SLC25A26: variants seen among roughly 807,000 people sequenced by gnomAD.
SLC25A26 encodes the protein mitochondrial S-adenosylmethionine carrier protein.
Under a neutral mutation model 37.8 loss-of-function variants are expected in SLC25A26, and 36 were observed. That is an observed-to-expected ratio of 0.95 (90% CI 0.73 to 1.26). SLC25A26 has a LOEUF of 1.26. SLC25A26 is among the 50% of genes most tolerant of loss of function. SLC25A26 has a pLI of 0.00. For synonymous variants in SLC25A26, 129 were observed against 122.5 expected, an observed-to-expected ratio of 1.05 and a Z score of -0.35; for missense variants, 390 against 331.1, an observed-to-expected ratio of 1.18 and a Z score of -1.38.
At chr3:66,219,679 T>C (rs2071416929), upstream of SLC25A26, among the ~76,000 whole-genome samples, 1 of 152,142 alleles carries the variant, frequency 6.6e-6, no homozygotes, top group Non-Finnish European at 1.5e-5. Context: ...AGACACCAGC[T>C]GAGAGGTGTA....
chr3:66,205,785 C>G (rs1576636868), intron 1 of SLC25A26, among the ~76,000 whole-genome samples: 1 of 152,166 alleles, frequency 6.6e-6, no homozygotes, highest in Non-Finnish European at 1.5e-5. Context: ...AACATTCAAG[C>G]TTACATCCAA....
At chr3:66,155,021 T>C (rs978443131) in intron 1 of SLC25A26, among the ~76,000 whole-genome samples, 1 of 152,222 alleles carries the variant, frequency 6.6e-6, no homozygotes, top group Non-Finnish European at 1.5e-5. Flanking sequence ...ACACCATTCC[T>C]GGTACATAGT....
At chr3:66,338,562 CATTTT>C (rs2076141403) in intron 5 of SLC25A26, among the ~76,000 whole-genome samples, 1 of 151,962 alleles carries the variant, frequency 6.6e-6, no homozygotes, top group African/African-American at 2.4e-5. Flanking sequence ...TAATATTTGC[CATTTT>C]AAACATTTAA....
chr3:66,187,294 C>T (rs1438050288), intron 1 of SLC25A26, among the ~76,000 whole-genome samples: 4 of 152,090 alleles, frequency 2.6e-5, no homozygotes, highest in African/African-American at 9.7e-5. Flanking sequence ...CTGACCCTCA[C>T]CTGAAAGTGA....
chr3:66,269,882 A>G (rs939320675), intron 5 of SLC25A26, among the ~76,000 whole-genome samples: 1 of 152,192 alleles, frequency 6.6e-6, no homozygotes, highest in African/African-American at 2.4e-5. Context: ...CTTTCCAGAT[A>G]GCGTGTAAAT....
At chr3:66,203,845 A>G (rs2071139343) in intron 1 of SLC25A26, among the ~76,000 whole-genome samples, 1 of 152,292 alleles carries the variant, frequency 6.6e-6, no homozygotes, top group Admixed American at 6.5e-5. Context: ...CTATAGGATT[A>G]CTTTGAGTTC....
chr3:66,278,323 A>G (rs919735983), intron 5 of SLC25A26, among the ~76,000 whole-genome samples: 1 of 152,172 alleles, frequency 6.6e-6, no homozygotes, highest in African/African-American at 2.4e-5. Flanking sequence ...AACTTGTATT[A>G]AAATAATATA....
At chr3:66,373,068 C>A (rs573588646) in intron 9 of SLC25A26, among the ~76,000 whole-genome samples, 102 of 152,268 alleles carry the variant, frequency 6.7e-4, no homozygotes, top group African/African-American at 2.2e-3. Flanking sequence ...AAACAAACAC[C>A]GCGTGTTCAT....
chr3:66,334,794 A>G (rs1163983406), intron 5 of SLC25A26, among the ~76,000 whole-genome samples: 3 of 152,130 alleles, frequency 2.0e-5, no homozygotes, highest in Non-Finnish European at 2.9e-5. Flanking sequence ...CAGAGCTAAC[A>G]TGTAATGTGA....
chr3:66,330,328 A>C lies in SLC25A26; in HGVS notation c.454-16036A>C, dbSNP rs1335766075. Among the ~76,000 whole-genome samples, 3 of 152,310 alleles carry C rather than the reference A, an allele frequency of 2.0e-5. No individual in the cohort carries two copies. The East Asian group carries it at 5.8e-4, about 29-fold the overall frequency. On this transcript the variant is annotated intron_variant, in intron 5 of 9. Transcript: ENST00000354883. ...AGACAACCTAATGGAAACGCTGAGT[A>C]GACAGGGAAAAACACTGATGTTCCA...
chr3:66,152,849 A>G (rs1034763970), intron 1 of SLC25A26, among the ~76,000 whole-genome samples: 2 of 152,306 alleles, frequency 1.3e-5, no homozygotes, highest in South Asian at 4.1e-4. Context: ...TGAAATCACA[A>G]ACACATACAT....
Position 66,164,102 on chromosome 3 carries a change from T to C in SLC25A26, c.-354+30118T>C, listed in dbSNP as rs946420599. Among the ~76,000 whole-genome samples, 6 of 152,338 alleles carry C rather than the reference T, an allele frequency of 3.9e-5. No homozygotes were observed. In the East Asian group the frequency reaches 9.7e-4, roughly 25 times the overall value. ...AAACTTCATTATATTCCAGGCCTAT[T>C]GTAGAAATAGAAGATTTTGTAATCA... On this transcript the variant is annotated intron_variant, in intron 1 of 10. Coordinates refer to the SLC25A26 transcript ENST00000676754.
intron 1 of SLC25A26, among the ~76,000 whole-genome samples, chr3:66,228,257 T>C (rs2071850477): frequency 6.6e-6 from 1 of 152,264 alleles, no homozygotes; most frequent in Non-Finnish European, 1.5e-5. Context: ...TGTGCATCTC[T>C]ACTACCCACA....
chr3:66,312,004 G>A (rs2075392200), intron 5 of SLC25A26, among the ~76,000 whole-genome samples: 1 of 151,820 alleles, frequency 6.6e-6, no homozygotes, highest in Non-Finnish European at 1.5e-5. Flanking sequence ...GTGTCCCTTA[G>A]CAGAGCTCAA....
chr3:66,279,357 C>A (rs1033099603), intron 5 of SLC25A26, among the ~76,000 whole-genome samples: 1 of 152,040 alleles, frequency 6.6e-6, no homozygotes, highest in Non-Finnish European at 1.5e-5. Flanking sequence ...TGGTTCAGAC[C>A]AGGGCTTTGT....
In SLC25A26 at chr3:66,369,061, AACAAAAG is replaced by A. The variant is rs1559746541; in HGVS notation, c.569-413_569-407del. Among the ~76,000 whole-genome samples, 199 of 27,952 alleles carry A rather than the reference AACAAAAG, an allele frequency of 7.1e-3. 7 individuals carry two copies. The highest frequency in any genetic ancestry group is 0.029 in the African/African-American group (172 of 5,888). The allele number at this position is 27,952 out of a possible 152,430, so 18.3% of individuals were successfully genotyped here. ...AAAAAAAACAAAAACAAAAAAAAAAAACAAAAGACAGTGGCCTATAGAAAGTCATGAA... is the reference window on the plus strand; with the variant it reads ...AAAAAAAACAAAAACAAAAAAAAAAAACAGTGGCCTATAGAAAGTCATGAA... On this transcript the variant is annotated intron_variant, in intron 7 of 9. Transcript: ENST00000354883.
intron 1 of SLC25A26, among the ~76,000 whole-genome samples, chr3:66,209,869 T>C (rs2071253196): frequency 8.6e-6 from 1 of 115,800 alleles, no homozygotes. Flanking sequence ...CACACACATA[T>C]ATATATACTC....
At chr3:66,139,887 A>T (rs1278162125) in intron 1 of SLC25A26, among the ~76,000 whole-genome samples, 1 of 152,234 alleles carries the variant, frequency 6.6e-6, no homozygotes, top group Non-Finnish European at 1.5e-5. Context: ...ACACTAAATT[A>T]GTTTAAGGAT....
intron 5 of SLC25A26, among the ~76,000 whole-genome samples, chr3:66,306,397 G>T (rs980520794): frequency 6.6e-6 from 1 of 151,980 alleles, no homozygotes; most frequent in Non-Finnish European, 1.5e-5. Flanking sequence ...ATGTTTGTTG[G>T]CTGCATGAAT....
Sources: allele counts gnomAD v4.1 joint callset (sites outside exome capture counted in the v4.1 genomes callset), GRCh38; gene constraint gnomAD v4.1.1; transcripts MANE v1.5; gene names NCBI Gene and HGNC (gene_info 2026-07-23, HGNC 2026-07-21).